Variants in PVT1 observed in about 807,000 individuals in gnomAD.
The protein encoded by PVT1 is CXCR4/PVT1 fusion.
chr8:127,921,630 A>G (rs1816058578), intron 3 of PVT1, among the ~76,000 whole-genome samples: 1 of 151,922 alleles, frequency 6.6e-6, no homozygotes, highest in Non-Finnish European at 1.5e-5. Context: ...TGGCCAACAT[A>G]TCGAAACCCC....
chr8:127,996,252 C>T (rs1817102701), intron 4 of PVT1, among the ~76,000 whole-genome samples: 1 of 152,032 alleles, frequency 6.6e-6, no homozygotes. Flanking sequence ...TCCCTCCTTC[C>T]CAGGTATAGG....
chr8:127,893,496 C>T (rs1186576563), intron 3 of PVT1, among the ~76,000 whole-genome samples: 1 of 152,180 alleles, frequency 6.6e-6, no homozygotes, highest in Admixed American at 6.5e-5. Context: ...ATCTGCCTGC[C>T]TCGGCCTCCT....
chr8:127,828,720 G>A (rs1339870040), intron 2 of PVT1, among the ~76,000 whole-genome samples: 4 of 152,088 alleles, frequency 2.6e-5, no homozygotes, highest in Admixed American at 2.6e-4. Context: ...TCCGTGAAAG[G>A]ATGGTGCAGG....
At chr8:127,824,704 T>G (rs192958368) in intron 2 of PVT1, among the ~76,000 whole-genome samples, 51 of 152,350 alleles carry the variant, frequency 3.3e-4, no homozygotes, top group Admixed American at 1.4e-3. Context: ...GTATTAGTAT[T>G]TCCATGTGTT....
intron 2 of PVT1, among the ~76,000 whole-genome samples, chr8:127,828,072 G>A (rs1374744532): frequency 6.6e-6 from 1 of 152,146 alleles, no homozygotes; most frequent in African/African-American, 2.4e-5. Context: ...TGATCCCATG[G>A]TGAGGGGTGG....
chr8:127,907,140 A>AT (rs534016878), intron 3 of PVT1, among the ~76,000 whole-genome samples: 8 of 151,482 alleles, frequency 5.3e-5, no homozygotes, highest in South Asian at 2.1e-4. Flanking sequence ...TTTATTTTTA[A>AT]TTTTTTTTGG....
At chr8:127,845,369 C>T (rs1032977961) in intron 2 of PVT1, among the ~76,000 whole-genome samples, 31 of 152,102 alleles carry the variant, frequency 2.0e-4, no homozygotes, top group Non-Finnish European at 8.8e-5. Flanking sequence ...GAGGGAGATC[C>T]TCATGGCTTT....
intron 2 of PVT1, among the ~76,000 whole-genome samples, chr8:127,811,969 T>C (rs761003784): frequency 7.9e-5 from 12 of 152,018 alleles, no homozygotes; most frequent in Non-Finnish European, 2.9e-5. Context: ...CCTTCAGGTG[T>C]GGCGGCTCGT....
At chr8:127,899,558 A>G (rs1376135187) in intron 3 of PVT1, among the ~76,000 whole-genome samples, 1 of 152,158 alleles carries the variant, frequency 6.6e-6, no homozygotes, top group Non-Finnish European at 1.5e-5. Flanking sequence ...CCTCTGGGAA[A>G]CTGCCTGAGA....
chr8:127,895,715 T>C (rs4733804), intron 3 of PVT1, among the ~76,000 whole-genome samples: 1 of 152,034 alleles, frequency 6.6e-6, no homozygotes, highest in East Asian at 1.9e-4. Flanking sequence ...TACGTTTAGC[T>C]CTGAGCTTCC....
rs1554588311 is a variant in PVT1, at chr8:127,809,052, A to AAAAAG, written n.372+12984_372+12985insAGAAA. Among the ~76,000 whole-genome samples the AAAAAG allele has an allele frequency of 3.1e-3, 421 of 135,052 alleles. 29 individuals are homozygous for AAAAAG. The highest frequency in any genetic ancestry group is 0.012 in the African/African-American group (383 of 32,638). The allele number at this position is 135,052 out of a possible 152,430, so 88.6% of individuals were successfully genotyped here. A position where few individuals can be genotyped will look rare whatever the true frequency, so the allele number is the denominator to read the frequency against. ...CTCAAAAAAAAAAAAAAAAAAAAAAAAAAGAAAGAAAAAAAAGAAAAAGAA... is the reference window on the plus strand; with the variant it reads ...CTCAAAAAAAAAAAAAAAAAAAAAAAAAAAGAAAGAAAGAAAAAAAAGAAAAAGAA... On this transcript the variant is annotated intron_variant and non_coding_transcript_variant, in intron 2 of 10. Coordinates refer to ENST00000651587, the Ensembl canonical transcript of PVT1.
In PVT1 at chr8:127,909,072, C is replaced by T. The variant is rs72718578; in HGVS notation, n.782+18074C>T. On this transcript the variant is annotated intron_variant and non_coding_transcript_variant, in intron 3 of 10. Transcript: ENST00000651587. ...GTCTCTCGTGATCCTGTGTGTATTT[C>T]CAGTGGAAGGACAAGGTTTGGCCCA... 6.5e-3 allele frequency among the ~76,000 whole-genome samples: 989 copies of T among 152,318 alleles called. 3 individuals are homozygous for T. Among genetic ancestry groups the T allele is most frequent in the Non-Finnish European group, 0.01 (687 of 68,016 alleles).
At chr8:127,957,296 C>T (rs774232657) in intron 3 of PVT1, among the ~76,000 whole-genome samples, 4 of 152,102 alleles carry the variant, frequency 2.6e-5, no homozygotes, top group Admixed American at 6.6e-5. Flanking sequence ...TGGCTGGACA[C>T]GGTGGCTCAT....
intron 2 of PVT1, among the ~76,000 whole-genome samples, chr8:127,889,746 T>G (rs10111989): frequency 2.0e-5 from 3 of 151,930 alleles, no homozygotes; most frequent in Non-Finnish European, 4.4e-5. Flanking sequence ...GAATGGTTGT[T>G]TGTTCCTCCA....
intron 2 of PVT1, among the ~76,000 whole-genome samples, chr8:127,868,672 T>C (rs1055735247): frequency 6.7e-6 from 1 of 149,998 alleles, no homozygotes; most frequent in Non-Finnish European, 1.5e-5. Flanking sequence ...CCCACAGTGC[T>C]GGGATTACAG....
At chr8:128,016,520 A>T (rs1817375902) in intron 4 of PVT1, among the ~76,000 whole-genome samples, 1 of 152,118 alleles carries the variant, frequency 6.6e-6, no homozygotes, top group Non-Finnish European at 1.5e-5. Context: ...GTTATTAAGG[A>T]TAGATCTCCA....
chr8:128,023,582 A>T (rs553882874), intron 4 of PVT1, among the ~76,000 whole-genome samples: 1 of 152,202 alleles, frequency 6.6e-6, no homozygotes, highest in Non-Finnish European at 1.5e-5. Context: ...TGATACATCA[A>T]CTACTTTTGG....
intron 4 of PVT1, among the ~76,000 whole-genome samples, chr8:128,000,075 C>T (rs1461239976): frequency 6.6e-6 from 1 of 152,178 alleles, no homozygotes; most frequent in East Asian, 1.9e-4. Context: ...CTGTTCTGCT[C>T]CTGTCCTCCT....
intron 3 of PVT1, among the ~76,000 whole-genome samples, chr8:127,918,631 C>G (rs1228779806): frequency 2.0e-5 from 3 of 152,116 alleles, no homozygotes; most frequent in Admixed American, 1.3e-4. Flanking sequence ...ACATAGTAGG[C>G]CCTCCATAAA....
Sources: gnomAD v4.1 joint callset for allele counts (sites outside exome capture counted in the v4.1 genomes callset) on GRCh38, gnomAD v4.1.1 for gene constraint, MANE v1.5 for transcripts, NCBI Gene and HGNC (gene_info 2026-07-23, HGNC 2026-07-21) for gene names.